Variants in MAGI1 observed in about 807,000 individuals in gnomAD.
MAGI1 encodes membrane-associated guanylate kinase, WW and PDZ domain-containing protein 1.
A neutral mutation model predicts 139.9 loss-of-function variants in MAGI1; 58 were observed. That is an observed-to-expected ratio of 0.41 (90% confidence interval 0.34 to 0.52). The LOEUF (loss-of-function observed/expected upper bound fraction) is 0.52, where lower values mean the gene tolerates loss of function less well. Among genes scored for constraint, MAGI1 ranks in the 20% least tolerant of loss-of-function variants. MAGI1 has a pLI of 0.12. For synonymous variants in MAGI1, 812 were observed against 737.9 expected (o/e 1.10, Z -1.63); for missense variants, 1,874 against 1,901.6 (o/e 0.99, Z 0.27).
chr3:65,373,249 A>C (rs1942176090), intron 18 of MAGI1, among the ~76,000 whole-genome samples: 1 of 152,154 alleles, frequency 6.6e-6, no homozygotes, highest in African/African-American at 2.4e-5. Flanking sequence ...ATACTGCTTT[A>C]TCTTGGAAAA....
chr3:65,353,928 C>A lies in MAGI1; in HGVS notation c.*2450G>T, dbSNP rs1940096483. ...AGGTGAAACTGCCACACCAAAAAGT[C>A]CACGGATTGAGACAAGCCCAGGTGG... On this transcript the variant is annotated 3_prime_UTR_variant, in exon 23 of 23. Transcript: ENST00000402939. 1 of 152,204 alleles carries A rather than the reference C, an allele frequency of 6.6e-6. No individual in the cohort carries two copies. Among genetic ancestry groups the A allele is most frequent in the East Asian group, 1.9e-4 (1 of 5,200 alleles). 9.4% of individuals were successfully genotyped at this position (152,204 alleles called of 1,614,324 possible).
intron 5 of MAGI1, among the ~76,000 whole-genome samples, chr3:65,462,028 G>A (rs985911158): frequency 6.6e-6 from 1 of 151,760 alleles, no homozygotes; most frequent in African/African-American, 2.4e-5. Context: ...TTAGCCCTTT[G>A]AATGGATAGA....
At chr3:65,792,036 A>G (rs904048525) in intron 1 of MAGI1, among the ~76,000 whole-genome samples, 1 of 152,042 alleles carries the variant, frequency 6.6e-6, no homozygotes, top group Non-Finnish European at 1.5e-5. Context: ...TTTTCTATAC[A>G]TACATACATA....
intron 2 of MAGI1, among the ~76,000 whole-genome samples, chr3:65,542,022 C>T (rs951509014): frequency 3.3e-5 from 5 of 152,114 alleles, no homozygotes; most frequent in African/African-American, 1.2e-4. Flanking sequence ...TTAGAAAACC[C>T]CATCCTCTCA....
At position 65,920,028 on chromosome 3, in the gene MAGI1, G is replaced by A. The variant is rs1001768390; in HGVS notation, c.313+117968C>T. ...ATGTTTAAATTCACACAAACTTCTC[G>A]CAATGACCCAGACTAGACTTGGAAA... On this transcript the variant is annotated intron_variant, in intron 1 of 22. Coordinates refer to ENST00000402939, the MANE Select transcript of MAGI1 (RefSeq NM_001033057.2). Among the ~76,000 whole-genome samples, 9 of 152,178 alleles carry A rather than the reference G, an allele frequency of 5.9e-5. No homozygotes were observed. The East Asian group carries it at 1.5e-3, about 26-fold the overall frequency.
chr3:65,401,104 A>C (rs972725228), intron 13 of MAGI1, among the ~76,000 whole-genome samples: 1 of 152,134 alleles, frequency 6.6e-6, no homozygotes, highest in African/African-American at 2.4e-5. Context: ...TTCCAAAGGA[A>C]ACAATAGCAT....
chr3:65,665,044 G>A lies in MAGI1; in HGVS notation c.314-42956C>T, dbSNP rs1559767075. ...ACCCCACCCAAAATTCTAGCCAGAAGTCTACCTGCTGAGGCAGAAGAGCCT... is the reference window on the plus strand; with the variant it reads ...ACCCCACCCAAAATTCTAGCCAGAAATCTACCTGCTGAGGCAGAAGAGCCT... On this transcript the variant is annotated intron_variant, in intron 1 of 22. Transcript: ENST00000402939. Among the ~76,000 whole-genome samples, 3 of 152,164 alleles carry A rather than the reference G, an allele frequency of 2.0e-5. No individual in the cohort carries two copies. The South Asian group carries it at 6.2e-4, about 32-fold the overall frequency.
intron 1 of MAGI1, among the ~76,000 whole-genome samples, chr3:65,931,364 C>T (rs1224838617): frequency 6.6e-6 from 1 of 152,158 alleles, no homozygotes; most frequent in East Asian, 1.9e-4. Flanking sequence ...CATCCTTTCA[C>T]TTTGTGGATT....
intron 1 of MAGI1, among the ~76,000 whole-genome samples, chr3:65,766,933 G>A (rs1474233267): frequency 6.6e-6 from 1 of 152,140 alleles, no homozygotes; most frequent in African/African-American, 2.4e-5. Flanking sequence ...ACACTAGCCT[G>A]AGGATAAAAG....
intron 1 of MAGI1, among the ~76,000 whole-genome samples, chr3:65,821,343 T>A (rs1212053516): frequency 6.6e-6 from 1 of 152,164 alleles, no homozygotes; most frequent in Admixed American, 6.5e-5. Flanking sequence ...GGTCATAGCA[T>A]ATATGTTTAT....
chr3:65,733,550 A>C (rs2034407871), intron 1 of MAGI1, among the ~76,000 whole-genome samples: 1 of 152,202 alleles, frequency 6.6e-6, no homozygotes, highest in African/African-American at 2.4e-5. Context: ...CCAAGAGAAA[A>C]ACCAGAGAAG....
intron 1 of MAGI1, among the ~76,000 whole-genome samples, chr3:65,739,004 A>G (rs1011193146): frequency 6.6e-6 from 1 of 152,194 alleles, no homozygotes; most frequent in African/African-American, 2.4e-5. Context: ...CTGTCCTTTG[A>G]AGTTTTGAAG....
intron 12 of MAGI1, among the ~76,000 whole-genome samples, chr3:65,415,878 T>A (rs1395387020): frequency 6.6e-6 from 1 of 152,190 alleles, no homozygotes; most frequent in Admixed American, 6.5e-5. Flanking sequence ...CTTCTCTTCC[T>A]CCTTTAGTTA....
intron 1 of MAGI1, among the ~76,000 whole-genome samples, chr3:65,835,682 T>C (rs978224352): frequency 2.0e-5 from 3 of 152,378 alleles, no homozygotes; most frequent in East Asian, 1.9e-4. Flanking sequence ...ACTAATATTA[T>C]ATTTTTGTAG....
chr3:65,870,615 G>A (rs1466277645), intron 1 of MAGI1, among the ~76,000 whole-genome samples: 8 of 142,150 alleles, frequency 5.6e-5, no homozygotes, highest in African/African-American at 1.8e-4. Context: ...AGGGAAGGAA[G>A]ACAGAGAAAG....
chr3:65,549,358 C>T (rs2079699550), intron 2 of MAGI1: 1 of 905,166 alleles, frequency 1.1e-6, no homozygotes, highest in Non-Finnish European at 1.3e-6. Context: ...TAACCCCCTC[C>T]CCTCCCCTCT....
At chr3:65,911,001 G>A (rs1019983707) in intron 1 of MAGI1, among the ~76,000 whole-genome samples, 6 of 151,474 alleles carry the variant, frequency 4.0e-5, no homozygotes, top group East Asian at 2.0e-4. Flanking sequence ...GGGACTACAG[G>A]TGCACGCCAG....
rs1030952613 is a variant in MAGI1 at position 65,943,851 on chromosome 3, T to C, written c.313+94145A>G. Among the ~76,000 whole-genome samples, 7 of 152,214 alleles carry C rather than the reference T, an allele frequency of 4.6e-5. No homozygotes were observed. The East Asian group carries it at 5.8e-4, about 13-fold the overall frequency. ...GAAAGTTTGAGAAAGCCTTACTTTGTACACCTTAACAACAGTACAAGTCAT... is the reference window on the plus strand; with the variant it reads ...GAAAGTTTGAGAAAGCCTTACTTTGCACACCTTAACAACAGTACAAGTCAT... On this transcript the variant is annotated intron_variant, in intron 1 of 22. Transcript: ENST00000402939.
chr3:65,699,804 C>G (rs1406013984), intron 1 of MAGI1, among the ~76,000 whole-genome samples: 3 of 149,666 alleles, frequency 2.0e-5, no homozygotes, highest in Non-Finnish European at 4.4e-5. Flanking sequence ...GTGCAACACA[C>G]CAGCATGGCA....
Sources: gnomAD v4.1 joint callset for allele counts (sites outside exome capture counted in the v4.1 genomes callset) on GRCh38, gnomAD v4.1.1 for gene constraint, MANE v1.5 for transcripts, NCBI Gene and HGNC (gene_info 2026-07-23, HGNC 2026-07-21) for gene names.